Variants in RBBP8 observed in about 807,000 individuals in gnomAD.
RBBP8 encodes the protein RB binding protein 8, endonuclease, also known as DNA endonuclease RBBP8.
In RBBP8, 88 loss-of-function variants were observed where a neutral mutation model predicts 108.3. The ratio of observed to expected loss-of-function variants is 0.81; its 90% confidence interval spans 0.68 to 0.97. The LOEUF (loss-of-function observed/expected upper bound fraction) is 0.97, where lower values mean the gene tolerates loss of function less well. Among genes scored for constraint, RBBP8 ranks in the 50% least tolerant of loss-of-function variants. RBBP8 has a pLI of 0.00. For missense variants in RBBP8, 1,023 were observed against 1,049.0 expected, an observed-to-expected ratio of 0.98 and a Z score of 0.34; for synonymous variants, 332 against 348.2, an observed-to-expected ratio of 0.95 and a Z score of 0.52.
chr18:22,974,987 G>C (rs1053548997), intron 5 of RBBP8, among the ~76,000 whole-genome samples, 166 bp from the exon 6 acceptor site: 2 of 152,134 alleles, frequency 1.3e-5, no homozygotes, highest in Non-Finnish European at 2.9e-5. Flanking sequence ...TCCCTACCTA[G>C]TAACGAATTA....
At chr18:22,937,866 C>T (rs1910713512) in intron 2 of RBBP8, among the ~76,000 whole-genome samples, 1 of 149,696 alleles carries the variant, frequency 6.7e-6, no homozygotes, top group Non-Finnish European at 1.5e-5. Flanking sequence ...CACTCCGTTG[C>T]CCAGGCTGGA....
intron 8 of RBBP8, among the ~76,000 whole-genome samples, chr18:22,987,358 C>T (rs2144677289): frequency 6.6e-6 from 1 of 152,294 alleles, no homozygotes; most frequent in South Asian, 2.1e-4. Flanking sequence ...CCCTTTCTTA[C>T]TCCTTACACT....
intron 9 of RBBP8, among the ~76,000 whole-genome samples, chr18:22,990,204 G>C (rs1025835977): frequency 2.5e-4 from 38 of 152,236 alleles, no homozygotes; most frequent in African/African-American, 8.9e-4. Context: ...CTAATGACTT[G>C]CTGCTTGACG....
intron 6 of RBBP8, among the ~76,000 whole-genome samples, chr18:22,981,247 C>T (rs1444086700): frequency 6.6e-6 from 1 of 151,902 alleles, no homozygotes; most frequent in Non-Finnish European, 1.5e-5. Flanking sequence ...TGGGATTACA[C>T]GTGTGAGCCA....
upstream of RBBP8, among the ~76,000 whole-genome samples, chr18:22,930,919 G>C (rs186422709): frequency 6.6e-6 from 1 of 152,004 alleles, no homozygotes; most frequent in African/African-American, 2.4e-5. Flanking sequence ...CTAGAGGCAC[G>C]AACCACTGTG....
intron 16 of RBBP8, among the ~76,000 whole-genome samples, chr18:23,010,490 C>T (rs1385117929): frequency 1.3e-5 from 2 of 151,818 alleles, no homozygotes; most frequent in Non-Finnish European, 2.9e-5. Context: ...GTCCCAACTA[C>T]TCAGGAAGCT....
chr18:22,961,027 G>C (rs1277370508), intron 4 of RBBP8, among the ~76,000 whole-genome samples: 4 of 152,166 alleles, frequency 2.6e-5, no homozygotes, highest in Non-Finnish European at 5.9e-5. Flanking sequence ...TTTCAAAATT[G>C]TAAAGATTAT....
chr18:22,928,553 A>G (rs1909878327), upstream of RBBP8, among the ~76,000 whole-genome samples: 1 of 152,240 alleles, frequency 6.6e-6, no homozygotes, highest in African/African-American at 2.4e-5. Flanking sequence ...GAGAGGAATA[A>G]AAGCAGTTTC....
intron 16 of RBBP8, among the ~76,000 whole-genome samples, chr18:23,012,230 A>AAAAAAAAAAAAAAAT (rs1568001392): frequency 6.6e-6 from 1 of 151,102 alleles, no homozygotes. Context: ...AAAAAAAAAA[A>AAAAAAAAAAAAAAAT]ACCAACTATG....
chr18:22,989,928 C>G (rs1915567254), intron 9 of RBBP8, among the ~76,000 whole-genome samples: 1 of 152,162 alleles, frequency 6.6e-6, no homozygotes, highest in Non-Finnish European at 1.5e-5. Flanking sequence ...TTCAGCCTCT[C>G]AAAGTGTTGA....
At chr18:22,945,962 TAATTA>T (rs1332444463) in intron 2 of RBBP8, among the ~76,000 whole-genome samples, 1 of 152,204 alleles carries the variant, frequency 6.6e-6, no homozygotes, top group Non-Finnish European at 1.5e-5. Context: ...GTATCAGACT[TAATTA>T]AAATTAAAAA....
intron 9 of RBBP8, 55 bp from the exon 10 acceptor site, chr18:22,990,882 T>A (rs1466897206): frequency 2.2e-6 from 3 of 1,361,136 alleles, no homozygotes; most frequent in Non-Finnish European, 3.1e-6. Flanking sequence ...TTCATCCCTT[T>A]TTAAGAATGA....
At chr18:22,950,599 G>A (rs971543) in intron 4 of RBBP8, among the ~76,000 whole-genome samples, 147,965 of 151,432 alleles carry the variant, frequency 0.98, 72,384 homozygotes, top group East Asian at 1. Context: ...ACAAACCCAC[G>A]ATATCCCATA....
intron 4 of RBBP8, among the ~76,000 whole-genome samples, chr18:22,955,727 A>G (rs1301006158): frequency 3.3e-5 from 5 of 150,910 alleles, no homozygotes; most frequent in African/African-American, 1.2e-4. Flanking sequence ...ACAGGCGCCC[A>G]CTGCCTCGCC....
At chr18:23,010,979 A>C (rs982943332) in intron 16 of RBBP8, among the ~76,000 whole-genome samples, 1 of 152,246 alleles carries the variant, frequency 6.6e-6, no homozygotes, top group Non-Finnish European at 1.5e-5. Flanking sequence ...TGTGATCTGC[A>C]TAATCTTAGG....
At chr18:22,975,669 A>G (rs751388675) in intron 6 of RBBP8, among the ~76,000 whole-genome samples, 1 of 151,660 alleles carries the variant, frequency 6.6e-6, no homozygotes, top group African/African-American at 2.4e-5. Flanking sequence ...AGTAACTTTT[A>G]TCTTGTGTGC....
intron 4 of RBBP8, among the ~76,000 whole-genome samples, chr18:22,960,049 G>A (rs1455502109): frequency 2.6e-5 from 4 of 151,230 alleles, no homozygotes; most frequent in African/African-American, 7.3e-5. Context: ...CCGCCACCAC[G>A]CCCAACTAAC....
At chr18:23,005,804 T>G (rs1226323861) in intron 15 of RBBP8, among the ~76,000 whole-genome samples, 1 of 152,194 alleles carries the variant, frequency 6.6e-6, no homozygotes, top group East Asian at 1.9e-4. Flanking sequence ...CTAAAATACT[T>G]CCTGAGATAA....
chr18:22,966,719 C>CTTTTTTTTTTTT (rs796853895), intron 4 of RBBP8, among the ~76,000 whole-genome samples: 1 of 128,120 alleles, frequency 7.8e-6, no homozygotes, highest in Non-Finnish European at 1.6e-5. Context: ...TACTTACTAT[C>CTTTTTTTTTTTT]TTTTTTTTTT....
Sources: allele counts gnomAD v4.1 joint callset (sites outside exome capture counted in the v4.1 genomes callset), GRCh38; gene constraint gnomAD v4.1.1; transcripts MANE v1.5; gene names NCBI Gene and HGNC (gene_info 2026-07-23, HGNC 2026-07-21).